PEX16: variants seen among roughly 807,000 people sequenced by gnomAD.
PEX16 encodes peroxisomal biogenesis factor 16, also known as peroxin 16.
Under a neutral mutation model 50.5 loss-of-function variants are expected in PEX16, and 37 were observed. That is an observed-to-expected ratio of 0.73 (90% CI 0.56 to 0.96). The LOEUF is 0.96. Among genes scored for constraint, PEX16 ranks in the 40% least tolerant of loss-of-function variants. The probability of loss-of-function intolerance (pLI) is 0.00; values close to 1 mark genes in which losing one functional copy is unlikely to be tolerated. For missense variants in PEX16, 401 were observed against 438.3 expected, an observed-to-expected ratio of 0.91 and a Z score of 0.76; for synonymous variants, 185 against 190.3, an observed-to-expected ratio of 0.97 and a Z score of 0.23.
rs1428173747 is a variant in PEX16, at chr11:45,915,836, A to G, written c.226T>C (p.Ser76Pro). Reference protein sequence around the residue: ...RKELRKKLPVSLSQQKLLTWL... With the variant: ...RKELRKKLPVPLSQQKLLTWL... Reference sequence around the variant, plus strand: ...GTCAGCAGCTTCTGCTGGGACAGCGACTGCAAGAACCCCAGGCCAAGAAGT... The same window carrying G: ...GTCAGCAGCTTCTGCTGGGACAGCGGCTGCAAGAACCCCAGGCCAAGAAGT... The change falls in exon 4 of 11, where the codon TCG becomes CCG. Residue 76 changes from serine (S) to proline (P), a missense_variant and splice_region_variant. By Grantham distance (74) the Ser-to-Pro change is moderately conservative (BLOSUM62 -1). Coordinates refer to ENST00000378750, the MANE Select transcript of PEX16 (RefSeq NM_004813.4). 1 of 1,613,656 alleles carries G rather than the reference A, an allele frequency of 6.2e-7. No individual in the cohort carries two copies. Among genetic ancestry groups the G allele is most frequent in the African/African-American group, 1.3e-5 (1 of 74,964 alleles).
intron 9 of PEX16, chr11:45,911,754 T>C (rs570742489): frequency 6.6e-6 from 1 of 152,402 alleles, no homozygotes; most frequent in East Asian, 1.9e-4. Flanking sequence ...CCGGGTGTGG[T>C]GGCTCATGCC....
chr11:45,910,952 G>A lies in PEX16; in HGVS notation c.898C>T (p.Leu300Phe). The change falls in exon 10 of 11, where the codon CTC becomes TTC. Residue 300 changes from leucine (L) to phenylalanine (F), a missense_variant. By Grantham distance (22) the Leu-to-Phe change is conservative. Coordinates refer to ENST00000378750, the MANE Select transcript of PEX16 (RefSeq NM_004813.4). Reference protein sequence around the residue: ...FYDRFSEARILFLLQLLADHV... With the variant: ...FYDRFSEARIFFLLQLLADHV... ...TCGGCCAGCAACTGGAGCAGGAAGA[G>A]GATCCTGGCCCTGGGGGAGGCAATA... 1 of 1,613,434 alleles carries A rather than the reference G, an allele frequency of 6.2e-7. No individual in the cohort carries two copies.
Position 45,914,134 on chromosome 11 carries a change from G to A in PEX16, c.764C>T (p.Thr255Ile). The A allele has an allele frequency of 6.3e-7, 1 of 1,599,250 alleles. No individual in the cohort carries two copies. Among genetic ancestry groups the A allele is most frequent in the Non-Finnish European group, 8.5e-7 (1 of 1,172,640 alleles). ...CCCCAGGCAGGCCCAGGCTCACCTGGTCACGTCCACAACACCAGCCAAGAG... is the reference window on the plus strand; with the variant it reads ...CCCCAGGCAGGCCCAGGCTCACCTGATCACGTCCACAACACCAGCCAAGAG... ...PWLLAGVVDV[T>I]SLSLLSDRKG... Residue 255 changes from threonine to isoleucine, a missense_variant, in exon 8 of 11, where the codon ACC becomes ATC. Coordinates refer to ENST00000378750, the MANE Select transcript of PEX16 (RefSeq NM_004813.4).
chr11:45,909,958 T>G lies in PEX16; in HGVS notation c.*296A>C. On this transcript the variant is annotated 3_prime_UTR_variant, in exon 11 of 11. Transcript: ENST00000378750. Reference sequence around the variant, plus strand: ...TCCTATGGCTGCCGAGGCGAGCAGCTTCCCGGGCTCCATGAGGTGAAGTCA... The same window carrying G: ...TCCTATGGCTGCCGAGGCGAGCAGCGTCCCGGGCTCCATGAGGTGAAGTCA... 1.2e-6 allele frequency: 1 copy of G among 833,586 alleles called. No homozygotes were observed. Among genetic ancestry groups the G allele is most frequent in the Non-Finnish European group, 2.0e-6 (1 of 499,264 alleles). The allele number at this position is 833,586 out of a possible 1,614,324, so 51.6% of individuals were successfully genotyped here. A position where few individuals can be genotyped will look rare whatever the true frequency, so the allele number is the denominator to read the frequency against.
chr11:45,911,196 A>C (rs2086774911), intron 9 of PEX16, among the ~76,000 whole-genome samples: 1 of 152,002 alleles, frequency 6.6e-6, no homozygotes, highest in Admixed American at 6.6e-5. Flanking sequence ...CTGACCCACA[A>C]CACCTCCTCC....
At chr11:45,912,165 T>G (rs746268287) in intron 9 of PEX16, 1 of 151,996 alleles carries the variant, frequency 6.6e-6, no homozygotes, top group Non-Finnish European at 1.5e-5. Context: ...CAGGGTGTGG[T>G]CCAGAAGGAG....
Position 45,910,079 on chromosome 11 carries a change from G to GA in PEX16, c.*174dup, listed in dbSNP as rs1565078706. On this transcript the variant is annotated 3_prime_UTR_variant, in exon 11 of 11. Transcript: ENST00000378750. The stretch of plus-strand genomic sequence containing the variant: ...GCGGGCTGCAGTGGCATCGTCACAG[G>GA]AGAGCGCAGTCAAGGGTGTCCTGGG... 1.9e-6 allele frequency: 3 copies of GA among 1,608,844 alleles called. No homozygotes were observed. In the Admixed American group the frequency reaches 5.0e-5, roughly 27 times the overall value.
chr11:45,912,437 T>C (rs1297945373), intron 9 of PEX16, among the ~76,000 whole-genome samples: 2 of 151,858 alleles, frequency 1.3e-5, no homozygotes, highest in East Asian at 3.9e-4. Context: ...AGGCAGAGCT[T>C]GCAGTGAGCC....
rs183905566 is a variant in PEX16, at chr11:45,909,986, G to A, written c.*268C>T. On this transcript the variant is annotated 3_prime_UTR_variant, in exon 11 of 11. Transcript: ENST00000378750. ...CCGGGCTCCATGAGGTGAAGTCACC[G>A]CTTTCTGTGGGAGAGGAGCCTGGAT... The A allele has an allele frequency of 8.2e-6, 9 of 1,092,842 alleles. No homozygotes were observed. The highest frequency in any genetic ancestry group is 2.4e-5 in the East Asian group (1 of 42,246). The allele number at this position is 1,092,842 out of a possible 1,614,324, so 67.7% of individuals were successfully genotyped here.
chr11:45,910,388 C>G (rs2086764113), intron 10 of PEX16, 76 bp from the exon 11 acceptor site: 1 of 1,266,408 alleles, frequency 7.9e-7, no homozygotes, highest in East Asian at 2.3e-5. Context: ...GCACCTCACC[C>G]CTGCGGCCCA....
At chr11:45,917,126 C>G (rs185538076) in intron 2 of PEX16, 3 of 624,634 alleles carry the variant, frequency 4.8e-6, no homozygotes, top group Non-Finnish European at 8.9e-6. Context: ...GTTCTCTAAC[C>G]TCACTGAGCT....
chr11:45,913,093 G>A (rs2086795297), intron 9 of PEX16, among the ~76,000 whole-genome samples: 1 of 152,062 alleles, frequency 6.6e-6, no homozygotes, highest in Admixed American at 6.6e-5. Flanking sequence ...AAAGTGCTAG[G>A]ATTATAGGTG....
At position 45,917,741 on chromosome 11, in the gene PEX16, T is replaced by A. The variant is rs1404788997; in HGVS notation, c.71A>T (p.Gln24Leu). 3 of 1,560,046 alleles carry A rather than the reference T, an allele frequency of 1.9e-6. No homozygotes were observed. The highest frequency in any genetic ancestry group is 2.6e-6 in the Non-Finnish European group (3 of 1,152,436). The change falls in exon 1 of 11, where the codon CAG (glutamine) becomes CTG (leucine). Residue 24 changes from glutamine (Q) to leucine (L), a missense_variant. Physicochemically the swap from Gln to Leu is moderately radical, Grantham distance 113. Coordinates refer to ENST00000378750, the MANE Select transcript of PEX16 (RefSeq NM_004813.4). ...GAAGCCCCGCACTGCTGTCTCCAGCTGGGCCGTGGCGGCCGGGTGACGAGT... is the reference window on the plus strand; with the variant it reads ...GAAGCCCCGCACTGCTGTCTCCAGCAGGGCCGTGGCGGCCGGGTGACGAGT... ...YVTRHPAATAQLETAVRGFSY... is the reference protein window; with the variant it reads ...YVTRHPAATALLETAVRGFSY...
intron 9 of PEX16, among the ~76,000 whole-genome samples, chr11:45,913,028 G>GC (rs2086794836): frequency 1.3e-5 from 2 of 150,654 alleles, no homozygotes; most frequent in Non-Finnish European, 2.9e-5. Flanking sequence ...GAATTGGGTT[G>GC]CCCAGGCTGG....
rs1377415751 is a variant in PEX16, at chr11:45,910,172, G to A, written c.*82C>T. The A allele has an allele frequency of 6.2e-7, 1 of 1,612,240 alleles. No individual in the cohort carries two copies. The highest frequency in any genetic ancestry group is 1.7e-5 in the Admixed American group (1 of 60,034). The stretch of plus-strand genomic sequence containing the variant: ...GGTAGGCACGGAGAGGCCGCACGCT[G>A]GGACGCTGCCGGAGTCAGTTTTATT... On this transcript the variant is annotated 3_prime_UTR_variant, in exon 11 of 11. Transcript: ENST00000378750.
rs2271846 is a variant in PEX16 at position 45,913,976 on chromosome 11, T to C, written c.768-38A>G. The C allele has an allele frequency of 0.011, 18,499 of 1,609,972 alleles. 861 individuals carry two copies. The African/African-American group carries it at 0.13, about 11-fold the overall frequency. ...GAGGACATGGTCAGGGCCAGGGGCA[T>C]GATCTAGGCCCACGGAAGGGGAGGA... On this transcript the variant is annotated intron_variant, in intron 8 of 10. Coordinates refer to ENST00000378750, the MANE Select transcript of PEX16 (RefSeq NM_004813.4).
intron 1 of PEX16, 33 bp from the exon 2 acceptor site, chr11:45,917,526 A>T: frequency 1.9e-6 from 3 of 1,613,238 alleles, no homozygotes; most frequent in Non-Finnish European, 2.5e-6. Flanking sequence ...GGTGTGAGTG[A>T]GCATCTGCCT....
Position 45,914,734 on chromosome 11 carries a change from C to T in PEX16, c.461-50G>A, listed in dbSNP as rs117216336. On this transcript the variant is annotated intron_variant, in intron 5 of 10. Coordinates refer to ENST00000378750, the MANE Select transcript of PEX16 (RefSeq NM_004813.4). ...TACAGTCAGAGGGACATGCTTCCAG[C>T]GGAGCCTGCAAAGAACGTGTGCAGT... 1,045 of 1,495,848 alleles carry T rather than the reference C, an allele frequency of 7.0e-4. 7 individuals are homozygous for T. The East Asian group carries it at 0.018, about 26-fold the overall frequency. 92.7% of individuals were successfully genotyped at this position (1,495,848 alleles called of 1,614,324 possible).
Position 45,913,883 on chromosome 11 carries a change from G to A in PEX16, c.823C>T (p.Arg275Trp), listed in dbSNP as rs372815115. ...GLTRRERREL[R>W]RRTILLLYYL... ...TAGAGCAGCAGGATGGTCCGGCGCC[G>A]CAGCTCCCGCCGCTCCCTCCGGGTC... The change falls in exon 9 of 11, where the codon CGG becomes TGG. Residue 275 changes from arginine (R) to tryptophan (W), a missense_variant. Arg to Trp is a moderately radical substitution (Grantham distance 101, BLOSUM62 -3). Transcript: ENST00000378750. 6.8e-6 allele frequency: 11 copies of A among 1,611,330 alleles called. No homozygotes were observed. Among genetic ancestry groups the A allele is most frequent in the South Asian group, 4.4e-5 (4 of 91,008 alleles).
Sources: allele counts gnomAD v4.1 joint callset (sites outside exome capture counted in the v4.1 genomes callset), GRCh38; gene constraint gnomAD v4.1.1; transcripts MANE v1.5; gene names NCBI Gene and HGNC (gene_info 2026-07-23, HGNC 2026-07-21).